The following DGKA variants were observed in gnomAD, a reference collection of about 807,000 sequenced individuals.
DGKA encodes the protein 80 kDa diacylglycerol kinase.
A neutral mutation model predicts 105.0 loss-of-function variants in DGKA; 35 were observed. That is an observed-to-expected ratio of 0.33 (90% CI 0.25 to 0.44). The LOEUF is 0.44. Among genes scored for constraint, DGKA ranks in the 20% least tolerant of loss-of-function variants. The pLI, the probability that DGKA is intolerant of heterozygous loss-of-function variation, is 1.00. For synonymous variants in DGKA, 296 were observed against 332.0 expected, an observed-to-expected ratio of 0.89 and a Z score of 1.18; for missense variants, 665 against 915.0, an observed-to-expected ratio of 0.73 and a Z score of 3.53.
intron 5 of DGKA, chr12:55,938,290 C>T: frequency 1.4e-6 from 1 of 698,670 alleles, no homozygotes; most frequent in South Asian, 1.9e-5. Flanking sequence ...CTAGGATGTC[C>T]TTGGGATATG....
At chr12:55,938,278 G>A (rs1565736934) in intron 5 of DGKA, 3 of 673,176 alleles carry the variant, frequency 4.5e-6, no homozygotes, top group South Asian at 1.9e-5. Context: ...CATGTAGGCG[G>A]CCTAGGATGT....
At chr12:55,941,381 C>G in intron 14 of DGKA, 56 bp downstream of exon 14, 1 of 1,594,276 alleles carries the variant, frequency 6.3e-7, no homozygotes, top group Non-Finnish European at 8.6e-7. Flanking sequence ...GCCTGCAACA[C>G]TTAGAAGGTG....
In DGKA at chr12:55,940,372, A is replaced by G. The variant is rs1298172133; in HGVS notation, c.857A>G (p.Gln286Arg). ...GAGTCCGGGCGCTGCGACCGCTGTC[A>G]GAAAAAGATCCGGATCTACCACAGT... ...GCESGRCDRC[Q>R]KKIRIYHSLT... The change falls in exon 11 of 24, where the codon CAG becomes CGG. Residue 286 changes from glutamine to arginine, a missense_variant. Physicochemically the swap from Gln to Arg is conservative, Grantham distance 43. This residue lies in a region of DGKA where 504 missense variants were observed against 681.2 expected (regional missense o/e 0.74). Transcript: ENST00000331886. This position sits in a 1 kb window ranked among gnomAD's most constrained non-coding sequence, Gnocchi z 4.3. 28 of 1,614,252 alleles carry G rather than the reference A, an allele frequency of 1.7e-5. No homozygotes were observed. The highest frequency in any genetic ancestry group is 2.4e-5 in the Non-Finnish European group (28 of 1,180,032).
At position 55,952,403 on chromosome 12, in the gene DGKA, A is replaced by G. The variant is rs2136417918; in HGVS notation, c.1715A>G (p.Lys572Arg). ...TCTGAATCCATCTTCTCAACATGCA[A>G]AAAGCTGGAGGAGTCTTTGACAGTT... ...ATSESIFSTC[K>R]KLEESLTVEI... is the part of the protein sequence containing the mutation. Residue 572 changes from lysine (K) to arginine (R), a missense_variant, in exon 20 of 24, where the codon AAA becomes AGA. Lys to Arg is a conservative substitution (Grantham distance 26). Coordinates refer to ENST00000331886, the MANE Select transcript of DGKA (RefSeq NM_001345.5). The surrounding 1 kb of genome is among the most constrained non-coding windows in gnomAD (Gnocchi z 5.1). 6.2e-7 allele frequency: 1 copy of G among 1,614,190 alleles called. No individual in the cohort carries two copies. Among genetic ancestry groups the G allele is most frequent in the Non-Finnish European group, 8.5e-7 (1 of 1,180,036 alleles).
chr12:55,942,208 T>C lies in DGKA; in HGVS notation c.1371T>C (p.Ala457=). 6.2e-7 allele frequency: 1 copy of C among 1,614,230 alleles called. No individual in the cohort carries two copies. The highest frequency in any genetic ancestry group is 8.5e-7 in the Non-Finnish European group (1 of 1,180,030). The change falls in exon 17 of 24, where the codon GCT becomes GCC. Residue 457 remains alanine (A), a synonymous_variant. Transcript: ENST00000331886. ...ACTTGCCAGTTTTGCCTCCTGTTGC[T>C]GTGTTGCCCCTGGGTACTGGAAATG... ...KANLPVLPPV[A]VLPLGTGNDL...
At position 55,941,557 on chromosome 12, in the gene DGKA, A is replaced by C. The variant is rs199795969; in HGVS notation, c.1223A>C (p.Asn408Thr). 1.9e-6 allele frequency: 3 copies of C among 1,614,092 alleles called. No individual in the cohort carries two copies. Among genetic ancestry groups the C allele is most frequent in the Admixed American group, 1.7e-5 (1 of 60,006 alleles). Residue 408 changes from asparagine to threonine, a missense_variant, in exon 15 of 24, where the codon AAC becomes ACC. Physicochemically the swap from Asn to Thr is moderately conservative, Grantham distance 65. Around this residue, in one of 3 missense-constraint regions of DGKA, gnomAD observed 504 missense variants for 681.2 expected, o/e 0.74. Transcript: ENST00000331886. ...QYILNPRQVF[N>T]LLKDGPEIGL... ...ATATTAAACCCTCGACAGGTGTTCA[A>C]CCTCCTAAAGGATGGTCCTGAGATA...
Position 55,937,103 on chromosome 12 carries a change from TG to T in DGKA, c.138+16del. ...TGTCCAAGGAGATGTGAGTGGCAGC[TG>T]GGAAATCTTCTTCTTGATCAACTCT... On this transcript the variant is annotated intron_variant, in intron 3 of 23. Transcript: ENST00000331886. 1 of 1,613,836 alleles carries T rather than the reference TG, an allele frequency of 6.2e-7. No individual in the cohort carries two copies. Among genetic ancestry groups the T allele is most frequent in the South Asian group, 1.1e-5 (1 of 91,076 alleles).
Position 55,939,673 on chromosome 12 carries a change from A to G in DGKA, c.709+144A>G, listed in dbSNP as rs1014528617. The G allele has an allele frequency of 3.8e-5, 28 of 744,296 alleles. No homozygotes were observed. The East Asian group carries it at 7.2e-4, about 19-fold the overall frequency. The allele number at this position is 744,296 out of a possible 1,614,324, so 46.1% of individuals were successfully genotyped here. The stretch of plus-strand genomic sequence containing the variant: ...TATGTGACCTTGGGAAAGCCACATC[A>G]CTTCTTTAAGCCTTAGTTTCCTCAA... On this transcript the variant is annotated intron_variant, in intron 9 of 23. Coordinates refer to ENST00000331886, the MANE Select transcript of DGKA (RefSeq NM_001345.5).
rs745881620 is a variant in DGKA at position 55,937,452 on chromosome 12, C to T, written c.183C>T (p.Leu61=). 2.9e-5 allele frequency: 47 copies of T among 1,614,036 alleles called. No homozygotes were observed. The highest frequency in any genetic ancestry group is 9.3e-5 in the African/African-American group (7 of 74,900). The part of the protein sequence containing the change: ...EGFQQFLKIY[L]EVDNVPRHLS... ...TCCAGCAATTCCTGAAAATCTATCT[C>T]GAAGTGGATAATGTTCCCAGACACC... is the stretch of plus-strand genomic sequence containing the variant. Residue 61 remains leucine (L), a synonymous_variant, in exon 4 of 24, where the codon CTC becomes CTT. Coordinates refer to ENST00000331886, the MANE Select transcript of DGKA (RefSeq NM_001345.5).
At position 55,942,656 on chromosome 12, in the gene DGKA, G is replaced by A. The variant is rs536422606; in HGVS notation, c.1426+393G>A. 6 of 243,446 alleles carry A rather than the reference G, an allele frequency of 2.5e-5. No individual in the cohort carries two copies. In the South Asian group the frequency reaches 3.5e-4, roughly 14 times the overall value. 15.1% of individuals were successfully genotyped at this position (243,446 alleles called of 1,614,324 possible). ...TTCACTCATTCAAACAATTAACCAG[G>A]TAGTCATTAATTAATTCACTATGAT... On this transcript the variant is annotated intron_variant, in intron 17 of 23. Transcript: ENST00000331886.
At chr12:55,938,435 T>C in intron 5 of DGKA, 76 bp from the exon 6 acceptor site, 1 of 1,577,624 alleles carries the variant, frequency 6.3e-7, no homozygotes, top group Non-Finnish European at 8.7e-7. Flanking sequence ...TGTCTCTTTG[T>C]TTCCCCCATA....
chr12:55,939,278 A>G lies in DGKA; in HGVS notation c.567A>G (p.Pro189=), dbSNP rs749692289. ...TCCGGGCTGGGGCCACCACCGTGCC[A>G]CTGCTAGTGCTGCTGGGTCTGGAGA... is the stretch of plus-strand genomic sequence containing the variant. ...EWVRAGATTV[P]LLVLLGLEMT... The change falls in exon 8 of 24, where the codon CCA becomes CCG. Residue 189 remains proline, a synonymous_variant. Transcript: ENST00000331886. 1 of 1,614,142 alleles carries G rather than the reference A, an allele frequency of 6.2e-7. No individual in the cohort carries two copies.
chr12:55,936,798 C>G (rs762626077), intron 2 of DGKA: 606 of 810,538 alleles, frequency 7.5e-4, no homozygotes, highest in African/African-American at 6.9e-3. Flanking sequence ...GGCTCTCTAC[C>G]CACCTTCGCT....
intron 17 of DGKA, among the ~76,000 whole-genome samples, chr12:55,948,043 G>A (rs1012680666): frequency 3.9e-5 from 6 of 151,928 alleles, no homozygotes; most frequent in Non-Finnish European, 7.4e-5. Context: ...CTCCCACCTC[G>A]GCCTCCCAAA....
rs1311513947 is a variant in DGKA at position 55,941,567 on chromosome 12, G to A, written c.1233G>A (p.Lys411=). ...CTCGACAGGTGTTCAACCTCCTAAA[G>A]GATGGTCCTGAGATAGGGTGAGCAC... is the stretch of plus-strand genomic sequence containing the variant. The part of the protein sequence containing the change: ...LNPRQVFNLL[K]DGPEIGLRLF... Residue 411 remains lysine, a synonymous_variant, in exon 15 of 24, where the codon AAG becomes AAA. Transcript: ENST00000331886. 1.2e-6 allele frequency: 2 copies of A among 1,614,142 alleles called. No homozygotes were observed. Among genetic ancestry groups the A allele is most frequent in the Middle Eastern group, 1.6e-4 (1 of 6,062 alleles).
At position 55,951,876 on chromosome 12, in the gene DGKA, A is replaced by T. The variant is rs114393656; in HGVS notation, c.1587+93A>T. The T allele has an allele frequency of 1.3e-3, 2,059 of 1,536,072 alleles. 28 individuals are homozygous for T. In the African/African-American group the frequency reaches 0.026, roughly 20 times the overall value. On this transcript the variant is annotated intron_variant, in intron 18 of 23. Transcript: ENST00000331886. The stretch of plus-strand genomic sequence containing the variant: ...CAGAAAAGGAGGGGGAGGTTAAGTG[A>T]CCTGTGACACAGGGAAATTGGGAGT...
At chr12:55,942,453 C>G (rs1886216559) in intron 17 of DGKA, 190 bp downstream of exon 17, 1 of 586,800 alleles carries the variant, frequency 1.7e-6, no homozygotes, top group African/African-American at 1.9e-5. Flanking sequence ...ACAATCTGAA[C>G]CTAGAAGGGT....
chr12:55,927,371 T>C, upstream of DGKA: 1 of 721,192 alleles, frequency 1.4e-6, no homozygotes, highest in African/African-American at 1.7e-5. Context: ...CAAGAGAAGT[T>C]CCGAGGCACA....
At chr12:55,949,906 C>A (rs1244639598) in intron 17 of DGKA, among the ~76,000 whole-genome samples, 2 of 152,084 alleles carry the variant, frequency 1.3e-5, no homozygotes, top group East Asian at 1.9e-4. Context: ...CAGCCTCGAA[C>A]TCCTAGGCTC....
Sources: allele counts gnomAD v4.1 joint callset (sites outside exome capture counted in the v4.1 genomes callset), GRCh38; gene constraint gnomAD v4.1.1; regional missense constraint gnomAD v4.1.1; non-coding constraint Gnocchi (gnomAD v3.1); transcripts MANE v1.5; gene names NCBI Gene and HGNC (gene_info 2026-07-23, HGNC 2026-07-21).